Variants in KRTCAP2 observed in about 807,000 individuals in gnomAD.
KRTCAP2 encodes the protein keratinocyte associated protein 2.
KRTCAP2 carries 10 observed loss-of-function variants against 16.5 expected under a neutral mutation model. The observed-to-expected ratio is 0.60, with a 90% confidence interval of 0.37 to 1.02. KRTCAP2 has a LOEUF of 1.02. KRTCAP2 is among the 50% of genes least tolerant of loss of function. The pLI, the probability that KRTCAP2 is intolerant of heterozygous loss-of-function variation, is 0.01. For synonymous variants in KRTCAP2, 68 were observed against 69.8 expected (o/e 0.97, Z 0.13); for missense variants, 152 against 159.6 (o/e 0.95, Z 0.26).
intron 3 of KRTCAP2, 53 bp downstream of exon 3, chr1:155,172,512 C>G: frequency 6.2e-7 from 1 of 1,613,914 alleles, no homozygotes; most frequent in Non-Finnish European, 8.5e-7. Context: ...TATCATGTTT[C>G]AGGAGGTTAA....
At chr1:155,171,554 AG>A (rs1665245409) in intron 3 of KRTCAP2, 1 of 984,230 alleles carries the variant, frequency 1.0e-6, no homozygotes, top group South Asian at 4.7e-5. Context: ...CAAGTCCTAG[AG>A]GGGGGCAAAG....
rs142437742 is a variant in KRTCAP2, at chr1:155,172,777, G to A, written c.120C>T (p.Gly40=). The A allele has an allele frequency of 4.3e-6, 7 of 1,614,100 alleles. No homozygotes were observed. The highest frequency in any genetic ancestry group is 4.0e-5 in the African/African-American group (3 of 74,938). ...LASTEWLTIQ[G]GLLGSGLFVF... ...CGAAGAGACCCGAACCAAGCAGGCC[G>A]CCCTGGATGGTGAGCCACTCGGTGG... The change falls in exon 2 of 5, where the codon GGC becomes GGT. Residue 40 remains glycine (G), a synonymous_variant. Coordinates refer to ENST00000295682, the MANE Select transcript of KRTCAP2 (RefSeq NM_173852.4).
chr1:155,170,017 T>C, intron 3 of KRTCAP2, 160 bp from the exon 4 acceptor site: 1 of 557,754 alleles, frequency 1.8e-6, no homozygotes, highest in Non-Finnish European at 3.3e-6. Context: ...ACCTTAATGA[T>C]ACCCAGAACA....
Position 155,172,552 on chromosome 1 carries a change from A to G in KRTCAP2, c.223+13T>C. ...GAGAAAGTTCAAATACTCAAGCTCC[A>G]ATATTCACTTACTCTCAGGGAAGAT... On this transcript the variant is annotated intron_variant, in intron 3 of 4. Transcript: ENST00000295682. 1 of 1,614,240 alleles carries G rather than the reference A, an allele frequency of 6.2e-7. No homozygotes were observed. Among genetic ancestry groups the G allele is most frequent in the Non-Finnish European group, 8.5e-7 (1 of 1,180,046 alleles).
chr1:155,169,909 GC>G (rs1369327010), intron 3 of KRTCAP2, 52 bp from the exon 4 acceptor site: 1 of 1,224,260 alleles, frequency 8.2e-7, no homozygotes. Context: ...GAAATACTAG[GC>G]ATCTGCACAT....
At chr1:155,171,655 C>T (rs923407281) in intron 3 of KRTCAP2, 10 of 834,086 alleles carry the variant, frequency 1.2e-5, no homozygotes, top group African/African-American at 9.2e-5. Context: ...CCCAGGAGTT[C>T]GAGACCAGCC....
chr1:155,169,685 C>G lies in KRTCAP2; in HGVS notation c.290+106G>C, dbSNP rs1221370645. The G allele has an allele frequency of 4.4e-6, 6 of 1,369,198 alleles. No homozygotes were observed. The East Asian group carries it at 7.0e-5, about 16-fold the overall frequency. The allele number at this position is 1,369,198 out of a possible 1,614,324, so 84.8% of individuals were successfully genotyped here. A position where few individuals can be genotyped will look rare whatever the true frequency, so the allele number is the denominator to read the frequency against. On this transcript the variant is annotated intron_variant, in intron 4 of 4. Transcript: ENST00000295682. ...AGTTTAGGAAAACGGGGAGGGAGAA[C>G]AGAGAGAGAGGTAGGTGTGGAAGGA...
At position 155,169,573 on chromosome 1, in the gene KRTCAP2, G is replaced by A; in HGVS notation, c.291-13C>T. ...GGAGAAGATGAAGCTATATGGTGAA[G>A]ACAGAAAGGTCATGGCACCAGTGGG... On this transcript the variant is annotated splice_polypyrimidine_tract_variant and intron_variant, in intron 4 of 4. Coordinates refer to ENST00000295682, the MANE Select transcript of KRTCAP2 (RefSeq NM_173852.4). 2.5e-6 allele frequency: 4 copies of A among 1,613,266 alleles called. No homozygotes were observed. The highest frequency in any genetic ancestry group is 3.4e-6 in the Non-Finnish European group (4 of 1,179,516).
rs200517433 is a variant in KRTCAP2 at position 155,169,544 on chromosome 1, C to A, written c.307G>T (p.Val103Phe). 200 of 1,614,016 alleles carry A rather than the reference C, an allele frequency of 1.2e-4. No individual in the cohort carries two copies. The highest frequency in any genetic ancestry group is 3.0e-4 in the Admixed American group (18 of 60,004). ...CVTTCFIFSM[V>F]GLYYINKISS... ...ATCTTGTTGATGTAGTACAGACCAACCATGGAGAAGATGAAGCTATATGGT... is the reference window on the plus strand; with the variant it reads ...ATCTTGTTGATGTAGTACAGACCAAACATGGAGAAGATGAAGCTATATGGT... Residue 103 changes from valine (V) to phenylalanine (F), a missense_variant, in exon 5 of 5, where the codon GTT (valine) becomes TTT (phenylalanine). Coordinates refer to ENST00000295682, the MANE Select transcript of KRTCAP2 (RefSeq NM_173852.4).
chr1:155,171,836 A>C (rs1665256698), intron 3 of KRTCAP2: 1 of 928,286 alleles, frequency 1.1e-6, no homozygotes, highest in African/African-American at 1.8e-5. Context: ...CGACAGAGTA[A>C]AGCCTTGTCT....
chr1:155,173,146 G>T, intron 1 of KRTCAP2, 75 bp downstream of exon 1: 1 of 1,302,196 alleles, frequency 7.7e-7, no homozygotes, highest in Non-Finnish European at 1.1e-6. Flanking sequence ...TCTGTCGGGA[G>T]AGGACGAGGA....
chr1:155,172,469 A>G (rs1665286967), intron 3 of KRTCAP2, 96 bp downstream of exon 3: 1 of 1,601,626 alleles, frequency 6.2e-7, no homozygotes, highest in East Asian at 2.3e-5. Context: ...ATTTCTCCTT[A>G]ACAACCTTTC....
At chr1:155,172,276 G>T in intron 3 of KRTCAP2, 1 of 1,266,364 alleles carries the variant, frequency 7.9e-7, no homozygotes, top group Non-Finnish European at 1.0e-6. Context: ...CCGCCTCCCA[G>T]CGAATAGATG....
rs568876104 is a variant in KRTCAP2, at chr1:155,169,633, T to G, written c.291-73A>C. The G allele has an allele frequency of 4.8e-5, 74 of 1,528,004 alleles. No individual in the cohort carries two copies. The South Asian group carries it at 7.7e-4, about 16-fold the overall frequency. The allele number at this position is 1,528,004 out of a possible 1,614,324, so 94.7% of individuals were successfully genotyped here. A position where few individuals can be genotyped will look rare whatever the true frequency, so the allele number is the denominator to read the frequency against. ...GCCTGGTGCCTCCTAGGGAAGACACTAGCATCAAGGAAAGAATCCAAGTTC... is the reference window on the plus strand; with the variant it reads ...GCCTGGTGCCTCCTAGGGAAGACACGAGCATCAAGGAAAGAATCCAAGTTC... On this transcript the variant is annotated intron_variant, in intron 4 of 4. Transcript: ENST00000295682.
At position 155,173,300 on chromosome 1, in the gene KRTCAP2, C is replaced by A; in HGVS notation, c.-76G>T. 1.2e-6 allele frequency: 2 copies of A among 1,613,344 alleles called. No individual in the cohort carries two copies. The highest frequency in any genetic ancestry group is 1.7e-6 in the Non-Finnish European group (2 of 1,179,534). On this transcript the variant is annotated 5_prime_UTR_variant, in exon 1 of 5. It removes an upstream start codon present in the reference 5' UTR. Transcript: ENST00000295682. Reference sequence around the variant, plus strand: ...TGAACCGGGTGCGGTTAGCTATGCGCATGCGTCAGCGCTTACCGCGGACTT... The same window carrying A: ...TGAACCGGGTGCGGTTAGCTATGCGAATGCGTCAGCGCTTACCGCGGACTT...
intron 3 of KRTCAP2, 141 bp from the exon 4 acceptor site, chr1:155,169,998 A>T (rs1368376700): frequency 3.3e-6 from 2 of 608,852 alleles, no homozygotes; most frequent in Non-Finnish European, 6.1e-6. Flanking sequence ...CAGCAGGAGG[A>T]TTCTGATTAC....
At chr1:155,169,685 CAGAG>C in intron 4 of KRTCAP2, 102 bp downstream of exon 4, 1 of 1,369,316 alleles carries the variant, frequency 7.3e-7, no homozygotes, top group Non-Finnish European at 1.0e-6. Context: ...GGAGGGAGAA[CAGAG>C]AGAGAGGTAG....
chr1:155,171,491 G>A, intron 3 of KRTCAP2: 1 of 985,134 alleles, frequency 1.0e-6, no homozygotes, highest in Non-Finnish European at 1.2e-6. Context: ...GAAGTCCCGG[G>A]GCTACTGGAT....
chr1:155,172,982 G>A, intron 1 of KRTCAP2, 90 bp from the exon 2 acceptor site: 2 of 1,401,048 alleles, frequency 1.4e-6, no homozygotes, highest in Non-Finnish European at 2.0e-6. Context: ...AAGCTCGGTG[G>A]GCCGACCCCC....
Sources: allele counts gnomAD v4.1 joint callset, GRCh38; gene constraint gnomAD v4.1.1; transcripts MANE v1.5; gene names NCBI Gene and HGNC (gene_info 2026-07-23, HGNC 2026-07-21).